Variants in RASGRF2 observed in about 807,000 individuals in gnomAD.
The protein encoded by RASGRF2 is Ras protein specific guanine nucleotide releasing factor 2.
A neutral mutation model predicts 151.0 loss-of-function variants in RASGRF2; 76 were observed. The ratio of observed to expected loss-of-function variants is 0.50; its 90% CI spans 0.42 to 0.61. RASGRF2 has a LOEUF of 0.61. Among genes scored for constraint, RASGRF2 ranks in the 20% least tolerant of loss-of-function variants. The pLI, the probability that RASGRF2 is intolerant of heterozygous loss-of-function variation, is 0.00. For synonymous variants in RASGRF2, 504 were observed against 566.5 expected (o/e 0.89, Z 1.57); for missense variants, 1,148 against 1,564.6 (o/e 0.73, Z 4.49).
chr5:81,089,999 GA>G (rs1463361316), intron 9 of RASGRF2, among the ~76,000 whole-genome samples: 1 of 152,196 alleles, frequency 6.6e-6, no homozygotes, highest in Non-Finnish European at 1.5e-5. Context: ...TATGCATTGT[GA>G]ACAGTGTTTT....
chr5:81,019,104 C>A (rs1749743434), intron 1 of RASGRF2, among the ~76,000 whole-genome samples: 1 of 152,218 alleles, frequency 6.6e-6, no homozygotes, highest in African/African-American at 2.4e-5. Flanking sequence ...CCTGGCGCAT[C>A]TGCACATCTT....
chr5:81,080,036 A>G (rs1349635166), intron 5 of RASGRF2, 85 bp from the exon 6 acceptor site: 1 of 1,482,388 alleles, frequency 6.7e-7, no homozygotes, highest in South Asian at 1.3e-5. Context: ...TATTATGTAT[A>G]TATTAAGGCT....
At chr5:81,222,933 T>C (rs1755885212) in intron 26 of RASGRF2, among the ~76,000 whole-genome samples, 1 of 152,148 alleles carries the variant, frequency 6.6e-6, no homozygotes, top group Admixed American at 6.5e-5. Context: ...TAAAGGAGTA[T>C]AGCAACTTGA....
intron 5 of RASGRF2, among the ~76,000 whole-genome samples, chr5:81,077,369 G>A (rs937827621): frequency 2.0e-5 from 3 of 152,208 alleles, no homozygotes; most frequent in Admixed American, 6.5e-5. Context: ...TGTTGTTTGT[G>A]TGCATATTGG....
chr5:81,144,911 T>C (rs1753968652), intron 17 of RASGRF2, among the ~76,000 whole-genome samples: 1 of 152,050 alleles, frequency 6.6e-6, no homozygotes, highest in South Asian at 2.1e-4. Context: ...CAGTACTTTA[T>C]TGCCTTGGCC....
intron 17 of RASGRF2, among the ~76,000 whole-genome samples, chr5:81,133,690 C>A (rs979795127): frequency 2.0e-5 from 3 of 152,094 alleles, no homozygotes; most frequent in Admixed American, 6.6e-5. Context: ...TATCTGTGAG[C>A]AGATTATATG....
rs150274578 is a variant in RASGRF2, at chr5:81,143,112, A to C, written c.2686+15949A>C. Reference sequence around the variant, plus strand: ...AAGACAAAAGCTATCTGAACATAGGACTTCTGATTCTTTGAAGAAAATACA... The same window carrying C: ...AAGACAAAAGCTATCTGAACATAGGCCTTCTGATTCTTTGAAGAAAATACA... On this transcript the variant is annotated intron_variant, in intron 17 of 26. Transcript: ENST00000265080. 8.6e-3 allele frequency among the ~76,000 whole-genome samples: 1,316 copies of C among 152,314 alleles called. 26 individuals are homozygous for C. Among genetic ancestry groups the C allele is most frequent in the African/African-American group, 0.029 (1,209 of 41,564 alleles).
chr5:81,184,471 C>T (rs947566000), intron 18 of RASGRF2, among the ~76,000 whole-genome samples: 17 of 152,164 alleles, frequency 1.1e-4, no homozygotes, highest in South Asian at 2.1e-4. Flanking sequence ...CCTCAATTAC[C>T]GTATTGACCA....
chr5:81,006,216 C>T (rs528513104), intron 1 of RASGRF2, among the ~76,000 whole-genome samples: 1 of 152,170 alleles, frequency 6.6e-6, no homozygotes, highest in Non-Finnish European at 1.5e-5. Flanking sequence ...CGGTGTATTT[C>T]CTGTCGAATT....
chr5:81,064,859 T>C (rs1325824621), intron 2 of RASGRF2, among the ~76,000 whole-genome samples: 1 of 152,194 alleles, frequency 6.6e-6, no homozygotes, highest in African/African-American at 2.4e-5. Context: ...TTATGTTATA[T>C]GGCAAAGGAA....
At chr5:81,157,295 G>A (rs1424795399) in intron 17 of RASGRF2, among the ~76,000 whole-genome samples, 2 of 150,906 alleles carry the variant, frequency 1.3e-5, no homozygotes, top group Non-Finnish European at 2.9e-5. Flanking sequence ...GCGGGAGGTT[G>A]CAGTGAGCCG....
intron 1 of RASGRF2, among the ~76,000 whole-genome samples, chr5:80,971,646 G>A (rs1747938106): frequency 6.6e-6 from 1 of 151,138 alleles, no homozygotes; most frequent in South Asian, 2.1e-4. Context: ...GCTCACTGCA[G>A]CCTTGACGTC....
At chr5:81,225,513 C>CTTTTTTT (rs11341888) in intron 26 of RASGRF2, among the ~76,000 whole-genome samples, 165 bp from the exon 27 acceptor site, 1 of 141,432 alleles carries the variant, frequency 7.1e-6, no homozygotes, top group Non-Finnish European at 1.5e-5. Flanking sequence ...AGATGTTCAC[C>CTTTTTTT]TTTTTTTTTT....
At chr5:81,108,832 CTCTGTGTGTGTG>C (rs906859500) in intron 12 of RASGRF2, among the ~76,000 whole-genome samples, 152 bp from the exon 13 acceptor site, 10 of 115,394 alleles carry the variant, frequency 8.7e-5, no homozygotes, top group Admixed American at 1.8e-4. Flanking sequence ...TATTTACCTA[CTCTGTGTGTGTG>C]TGTGTGTGTG....
In RASGRF2 at chr5:81,023,758, A is replaced by G. The variant is rs543110004; in HGVS notation, c.289-19119A>G. On this transcript the variant is annotated intron_variant, in intron 1 of 26. Coordinates refer to ENST00000265080, the MANE Select transcript of RASGRF2 (RefSeq NM_006909.3). ...CAAGCAGCAGCTGCTGTTAAGGTGC[A>G]GGCTGCAGCCTTTGGATACATTGGG... Among the ~76,000 whole-genome samples, 20 of 152,318 alleles carry G rather than the reference A, an allele frequency of 1.3e-4. 1 individual carries two copies. The highest frequency in any genetic ancestry group is 4.6e-4 in the African/African-American group (19 of 41,572).
chr5:81,015,508 A>C (rs560612233), intron 1 of RASGRF2, among the ~76,000 whole-genome samples: 4 of 152,196 alleles, frequency 2.6e-5, no homozygotes, highest in South Asian at 2.1e-4. Flanking sequence ...TTCTTTGATT[A>C]TCAGTGATTT....
intron 12 of RASGRF2, 90 bp downstream of exon 12, chr5:81,095,082 T>TA: frequency 9.5e-7 from 1 of 1,047,794 alleles, no homozygotes; most frequent in Non-Finnish European, 1.3e-6. Flanking sequence ...TTATCTTTAT[T>TA]AAAAAATTAC....
At chr5:81,204,620 C>T (rs1215449984) in intron 19 of RASGRF2, among the ~76,000 whole-genome samples, 1 of 152,198 alleles carries the variant, frequency 6.6e-6, no homozygotes, top group East Asian at 1.9e-4. Context: ...ATCTCTCCTC[C>T]TCCAAAGTTG....
At chr5:81,033,462 G>C (rs1750345071) in intron 1 of RASGRF2, among the ~76,000 whole-genome samples, 1 of 140,240 alleles carries the variant, frequency 7.1e-6, no homozygotes, top group Non-Finnish European at 1.5e-5. Flanking sequence ...ATAGACCAAT[G>C]GAACAGAACG....
Sources: gnomAD v4.1 joint callset for allele counts (sites outside exome capture counted in the v4.1 genomes callset) on GRCh38, gnomAD v4.1.1 for gene constraint, MANE v1.5 for transcripts, NCBI Gene and HGNC (gene_info 2026-07-23, HGNC 2026-07-21) for gene names.